The following ZFYVE9 variants were observed in gnomAD, a reference collection of about 807,000 sequenced individuals.
The protein encoded by ZFYVE9 is zinc finger FYVE-type containing 9, also known as zinc finger FYVE domain-containing protein 9.
A neutral mutation model predicts 126.7 loss-of-function variants in ZFYVE9; 43 were observed. The observed-to-expected ratio is 0.34, with a 90% CI of 0.27 to 0.44. The LOEUF (loss-of-function observed/expected upper bound fraction) is 0.44, where lower values mean the gene tolerates loss of function less well. ZFYVE9 is among the 20% of genes least tolerant of loss of function. The pLI, the probability that ZFYVE9 is intolerant of heterozygous loss-of-function variation, is 1.00. For missense variants in ZFYVE9, 1,476 were observed against 1,697.0 expected, an observed-to-expected ratio of 0.87 and a Z score of 2.29; for synonymous variants, 521 against 597.4, an observed-to-expected ratio of 0.87 and a Z score of 1.87.
At chr1:52,199,799 A>G (rs954727447) in intron 1 of ZFYVE9, among the ~76,000 whole-genome samples, 3 of 152,224 alleles carry the variant, frequency 2.0e-5, no homozygotes, top group African/African-American at 7.2e-5. Context: ...CCTCACAACA[A>G]TGAATGAGAG....
At chr1:52,216,225 G>A (rs1557462016) in intron 1 of ZFYVE9, 144 bp from the exon 2 acceptor site, 1 of 394,976 alleles carries the variant, frequency 2.5e-6, no homozygotes, top group Non-Finnish European at 4.5e-6. Context: ...TTGTATGCAA[G>A]CCAGGTCTTT....
intron 13 of ZFYVE9, among the ~76,000 whole-genome samples, chr1:52,320,069 G>GTTAA (rs1403130369): frequency 1.5e-5 from 1 of 67,226 alleles, no homozygotes; most frequent in Non-Finnish European, 3.5e-5. Context: ...CTTAGATGAT[G>GTTAA]TTAAGACCTT....
intron 2 of ZFYVE9, among the ~76,000 whole-genome samples, chr1:52,227,296 C>G (rs1645179509): frequency 6.6e-6 from 1 of 152,264 alleles, no homozygotes. Context: ...AGCCTTTTCA[C>G]ATGGGAGTGT....
At chr1:52,146,336 T>TG in intron 1 of ZFYVE9, among the ~76,000 whole-genome samples, 1 of 152,202 alleles carries the variant, frequency 6.6e-6, no homozygotes, top group African/African-American at 2.4e-5. Flanking sequence ...AAGATGTAGT[T>TG]GCAGGCACTG....
rs151277176 is a variant in ZFYVE9 at position 52,237,553 on chromosome 1, C to T, written c.136C>T (p.Arg46Trp). The change falls in exon 4 of 19, where the codon CGG (arginine) becomes TGG (tryptophan). Residue 46 changes from arginine (R) to tryptophan (W), a missense_variant. Arg to Trp is a moderately radical substitution (Grantham distance 101). Coordinates refer to ENST00000287727, the MANE Select transcript of ZFYVE9 (RefSeq NM_004799.4). ...WNKILDPPSH[R>W]LSFNPTLASV... Reference sequence around the variant, plus strand: ...TAAGATTCTAGATCCCCCTTCTCACCGGCTGTCATTTAACCCTACTTTGGC... The same window carrying T: ...TAAGATTCTAGATCCCCCTTCTCACTGGCTGTCATTTAACCCTACTTTGGC... 1.7e-5 allele frequency: 27 copies of T among 1,613,788 alleles called. No homozygotes were observed. The highest frequency in any genetic ancestry group is 1.6e-4 in the Middle Eastern group (1 of 6,082).
intron 2 of ZFYVE9, among the ~76,000 whole-genome samples, chr1:52,224,883 A>C (rs960274748): frequency 1.1e-4 from 16 of 151,946 alleles, no homozygotes; most frequent in South Asian, 2.1e-4. Flanking sequence ...CCCTTTTCCC[A>C]CTGGAGGTTT....
intron 4 of ZFYVE9, chr1:52,252,749 C>A: frequency 2.1e-6 from 1 of 468,016 alleles, no homozygotes; most frequent in East Asian, 6.4e-5. Flanking sequence ...ATGGTCAGTC[C>A]GACTGCTACC....
Position 52,170,357 on chromosome 1 carries a change from T to A in ZFYVE9, c.-143+27954T>A, listed in dbSNP as rs537963848. 4.5e-4 allele frequency among the ~76,000 whole-genome samples: 69 copies of A among 152,286 alleles called. 1 individual carries two copies. The highest frequency in any genetic ancestry group is 3.4e-3 in the Middle Eastern group (1 of 294). The stretch of plus-strand genomic sequence containing the variant: ...TGATTTCGTTTGAGTCTTCTTTTTT[T>A]CTTAGTCTGGCTAAAGGTTTGTCAA... On this transcript the variant is annotated intron_variant, in intron 1 of 18. Transcript: ENST00000287727.
intron 1 of ZFYVE9, among the ~76,000 whole-genome samples, chr1:52,156,865 C>T (rs372506734): frequency 2.7e-5 from 4 of 148,316 alleles, no homozygotes; most frequent in South Asian, 2.1e-4. Flanking sequence ...GACGGAGTCT[C>T]GCTGTCGCCC....
chr1:52,168,214 CTTT>C (rs139943554), intron 1 of ZFYVE9, among the ~76,000 whole-genome samples: 3 of 115,002 alleles, frequency 2.6e-5, no homozygotes, highest in Admixed American at 1.8e-4. Flanking sequence ...TCTTCGTCTT[CTTT>C]TTTTTTTTTT....
intron 1 of ZFYVE9, among the ~76,000 whole-genome samples, chr1:52,188,018 C>G (rs1261543336): frequency 1.3e-5 from 2 of 152,186 alleles, no homozygotes; most frequent in Admixed American, 1.3e-4. Context: ...CATAAAGACA[C>G]ATGCATGCAT....
intron 13 of ZFYVE9, among the ~76,000 whole-genome samples, chr1:52,324,284 CAAAAA>C (rs369417095): frequency 0.012 from 1,851 of 151,780 alleles, 32 homozygotes; most frequent in African/African-American, 0.043. Flanking sequence ...AAAACAAAAA[CAAAAA>C]CAAAACAAAA....
At chr1:52,168,971 T>C (rs1473360134) in intron 1 of ZFYVE9, among the ~76,000 whole-genome samples, 2 of 152,196 alleles carry the variant, frequency 1.3e-5, no homozygotes, top group Non-Finnish European at 2.9e-5. Context: ...CTGCTACTCT[T>C]TCCCTCCCTT....
chr1:52,291,108 G>A (rs1645915488), intron 10 of ZFYVE9, among the ~76,000 whole-genome samples: 1 of 152,182 alleles, frequency 6.6e-6, no homozygotes, highest in African/African-American at 2.4e-5. Flanking sequence ...TAATTGTGCA[G>A]CCAGACCTGG....
At chr1:52,179,356 C>T (rs960376021) in intron 1 of ZFYVE9, among the ~76,000 whole-genome samples, 6 of 152,066 alleles carry the variant, frequency 3.9e-5, no homozygotes, top group Admixed American at 6.6e-5. Context: ...CATTTAAGGC[C>T]GGGCGTGGTG....
chr1:52,240,259 T>G (rs1645320277), intron 4 of ZFYVE9, among the ~76,000 whole-genome samples: 2 of 152,196 alleles, frequency 1.3e-5, no homozygotes, highest in African/African-American at 4.8e-5. Context: ...TTTAGAGTTG[T>G]AAATAAGGAA....
At chr1:52,179,496 T>TG (rs1644675778) in intron 1 of ZFYVE9, among the ~76,000 whole-genome samples, 1 of 152,074 alleles carries the variant, frequency 6.6e-6, no homozygotes, top group South Asian at 2.1e-4. Flanking sequence ...TAGTTGGGCG[T>TG]GGTGGCACAT....
intron 1 of ZFYVE9, among the ~76,000 whole-genome samples, chr1:52,185,096 G>A (rs190725090): frequency 1.1e-3 from 163 of 152,290 alleles, no homozygotes; most frequent in African/African-American, 3.7e-3. Context: ...GTCTGCCTCC[G>A]CATTGCAGTA....
intron 1 of ZFYVE9, among the ~76,000 whole-genome samples, chr1:52,181,006 A>G (rs1179118446): frequency 1.3e-5 from 2 of 151,352 alleles, no homozygotes; most frequent in African/African-American, 2.4e-5. Context: ...AGGTAGAAAT[A>G]ATCATTGCTG....
Sources: gnomAD v4.1 joint callset for allele counts (sites outside exome capture counted in the v4.1 genomes callset) on GRCh38, gnomAD v4.1.1 for gene constraint, MANE v1.5 for transcripts, NCBI Gene and HGNC (gene_info 2026-07-23, HGNC 2026-07-21) for gene names.